The following NUP133 variants were observed in gnomAD, a reference collection of about 807,000 sequenced individuals.
The protein encoded by NUP133 is nuclear pore complex protein Nup133.
In NUP133, 66 loss-of-function variants were observed where a neutral mutation model predicts 146.2. That is an observed-to-expected ratio of 0.45 (90% CI 0.37 to 0.55). The LOEUF (loss-of-function observed/expected upper bound fraction) is 0.55, where lower values mean the gene tolerates loss of function less well. Among genes scored for constraint, NUP133 ranks in the 20% least tolerant of loss-of-function variants. NUP133 has a pLI of 0.00. For missense variants in NUP133, 1,277 were observed against 1,374.8 expected, an observed-to-expected ratio of 0.93 and a Z score of 1.12; for synonymous variants, 521 against 498.8, an observed-to-expected ratio of 1.04 and a Z score of -0.59.
chr1:229,479,904 C>G (rs1286861708), intron 12 of NUP133, among the ~76,000 whole-genome samples: 1 of 152,136 alleles, frequency 6.6e-6, no homozygotes, highest in Non-Finnish European at 1.5e-5. Flanking sequence ...GGTGGTAACT[C>G]AAAGGACGCA....
Position 229,506,112 on chromosome 1 carries a change from C to T in NUP133, c.229G>A (p.Val77Met), listed in dbSNP as rs1382251679. Residue 77 changes from valine (V) to methionine (M), a missense_variant, in exon 2 of 26, where the codon GTG (valine) becomes ATG (methionine). Coordinates refer to ENST00000261396, the MANE Select transcript of NUP133 (RefSeq NM_018230.3). ...CCAAACGTTTTCACATCATAGTTCA[C>T]AGACTCAGTTATGGAGTGGTGTGGG... ...MFPHHSITES[V>M]NYDVKTFGSS... 1 of 1,613,324 alleles carries T rather than the reference C, an allele frequency of 6.2e-7. No homozygotes were observed. Among genetic ancestry groups the T allele is most frequent in the East Asian group, 2.2e-5 (1 of 44,852 alleles).
chr1:229,479,136 T>C (rs1661147458), intron 12 of NUP133, among the ~76,000 whole-genome samples: 1 of 152,182 alleles, frequency 6.6e-6, no homozygotes, highest in Non-Finnish European at 1.5e-5. Context: ...TCTCTCAGTA[T>C]ACACAGGGGA....
At chr1:229,476,066 G>C (rs907710154) in intron 13 of NUP133, among the ~76,000 whole-genome samples, 12 of 151,080 alleles carry the variant, frequency 7.9e-5, no homozygotes, top group Non-Finnish European at 1.5e-5. Context: ...CCGAGATTGC[G>C]CCACTGCATT....
Position 229,456,933 on chromosome 1 carries a change from T to A in NUP133, c.2980+1228A>T, listed in dbSNP as rs545894571. Among the ~76,000 whole-genome samples, 40 of 151,768 alleles carry A rather than the reference T, an allele frequency of 2.6e-4. No homozygotes were observed. The Middle Eastern group carries it at 0.01, about 39-fold the overall frequency. On this transcript the variant is annotated intron_variant, in intron 21 of 25. Coordinates refer to ENST00000261396, the MANE Select transcript of NUP133 (RefSeq NM_018230.3). ...ACCTCAACCTCCTGGGCTCAAGTGA[T>A]CCTCTCACCTCAGCCTCCCCAGTAG...
chr1:229,456,151 G>A (rs1169076759), intron 21 of NUP133, among the ~76,000 whole-genome samples: 1 of 152,186 alleles, frequency 6.6e-6, no homozygotes, highest in Admixed American at 6.5e-5. Context: ...ACACGTGATG[G>A]TAGTACATTG....
At chr1:229,503,974 T>C (rs1661871831) in intron 2 of NUP133, among the ~76,000 whole-genome samples, 1 of 143,426 alleles carries the variant, frequency 7.0e-6, no homozygotes, top group South Asian at 2.2e-4. Context: ...TACACATATA[T>C]ACCAATATAT....
At position 229,441,519 on chromosome 1, in the gene NUP133, G is replaced by T. The variant is rs1571899428; in HGVS notation, c.*385C>A. 2.0e-6 allele frequency: 1 copy of T among 510,730 alleles called. No homozygotes were observed. Among genetic ancestry groups the T allele is most frequent in the East Asian group, 5.6e-5 (1 of 17,986 alleles). 31.6% of individuals were successfully genotyped at this position (510,730 alleles called of 1,614,324 possible). Reference sequence around the variant, plus strand: ...GATTCTCTTCAGTGCAAAGTATCTGGAGTCACAGCAATTTTAGAGACAAGC... The same window carrying T: ...GATTCTCTTCAGTGCAAAGTATCTGTAGTCACAGCAATTTTAGAGACAAGC... On this transcript the variant is annotated 3_prime_UTR_variant, in exon 26 of 26. Transcript: ENST00000261396.
chr1:229,458,711 A>ATTT (rs11444377), intron 20 of NUP133, among the ~76,000 whole-genome samples: 28 of 133,052 alleles, frequency 2.1e-4, no homozygotes, highest in African/African-American at 3.7e-4. Flanking sequence ...GATGGACTAC[A>ATTT]TTTTTTTTTT....
chr1:229,447,812 C>T (rs890003005), intron 24 of NUP133, among the ~76,000 whole-genome samples: 1 of 152,122 alleles, frequency 6.6e-6, no homozygotes, highest in Non-Finnish European at 1.5e-5. Context: ...CATCTGTATT[C>T]TATGTGATAC....
intron 17 of NUP133, 125 bp from the exon 18 acceptor site, chr1:229,465,000 G>A (rs1265638283): frequency 1.8e-6 from 2 of 1,100,812 alleles, no homozygotes; most frequent in Admixed American, 2.2e-5. Context: ...CAGGGATTCA[G>A]GTGATACCTG....
chr1:229,461,825 T>C lies in NUP133; in HGVS notation c.2686-1056A>G, dbSNP rs1392713835. Among the ~76,000 whole-genome samples, 3 of 150,196 alleles carry C rather than the reference T, an allele frequency of 2.0e-5. No individual in the cohort carries two copies. The East Asian group carries it at 5.8e-4, about 29-fold the overall frequency. ...AAAATAATTTTAAAATCATGATCAG[T>C]GCAAAAAATATTTATTTAGCAATGT... On this transcript the variant is annotated intron_variant, in intron 19 of 25. Transcript: ENST00000261396.
chr1:229,473,304 A>G (rs887927423), intron 14 of NUP133, among the ~76,000 whole-genome samples: 3 of 152,156 alleles, frequency 2.0e-5, no homozygotes, highest in Non-Finnish European at 2.9e-5. Context: ...CCTTTTTCCT[A>G]ATTATCAACA....
At chr1:229,482,300 G>C (rs891238537) in intron 12 of NUP133, among the ~76,000 whole-genome samples, 10 of 152,072 alleles carry the variant, frequency 6.6e-5, no homozygotes, top group African/African-American at 2.4e-4. Flanking sequence ...TGGGATTATG[G>C]AACCATGGGC....
At chr1:229,486,617 T>A (rs1467678432) in intron 10 of NUP133, 89 bp from the exon 11 acceptor site, 24 of 1,251,004 alleles carry the variant, frequency 1.9e-5, no homozygotes, top group Non-Finnish European at 2.6e-5. Context: ...AAAATCATCT[T>A]GATGATATAT....
At chr1:229,504,848 G>A (rs767953764) in intron 2 of NUP133, among the ~76,000 whole-genome samples, 9 of 152,032 alleles carry the variant, frequency 5.9e-5, no homozygotes, top group Non-Finnish European at 1.0e-4. Flanking sequence ...TGCTGTTCTG[G>A]GTAAAGTGAT....
chr1:229,486,501 C>A lies in NUP133; in HGVS notation c.1370G>T (p.Cys457Phe). Residue 457 changes from cysteine (C) to phenylalanine (F), a missense_variant, in exon 11 of 26, where the codon TGT becomes TTT. This residue lies in a region of NUP133 where 952 missense variants were observed against 1,047.0 expected (regional missense o/e 0.91). Transcript: ENST00000261396. ...QGDSVLGAGA[C>F]GGVPIIFSRN... ...AGAAAAAATGATAGGAACACCACCACAGGCACCAGCACCTAAAACACTATC... is the reference window on the plus strand; with the variant it reads ...AGAAAAAATGATAGGAACACCACCAAAGGCACCAGCACCTAAAACACTATC... 2 of 1,609,616 alleles carry A rather than the reference C, an allele frequency of 1.2e-6. No homozygotes were observed. The highest frequency in any genetic ancestry group is 2.2e-5 in the East Asian group (1 of 44,748).
intron 9 of NUP133, 146 bp downstream of exon 9, chr1:229,489,809 G>A (rs1661462740): frequency 1.8e-6 from 1 of 568,978 alleles, no homozygotes; most frequent in Non-Finnish European, 2.7e-6. Flanking sequence ...AGGGGAGACA[G>A]AGGTTGCAGT....
Position 229,477,747 on chromosome 1 carries a change from G to T in NUP133, c.1606C>A (p.His536Asn). The change falls in exon 13 of 26, where the codon CAT becomes AAT. Residue 536 changes from histidine (H) to asparagine (N), a missense_variant. Physicochemically the swap from His to Asn is moderately conservative, Grantham distance 68. Around this residue, in one of 3 missense-constraint regions of NUP133, gnomAD observed 952 missense variants for 1,047.0 expected, o/e 0.91. Coordinates refer to ENST00000261396, the MANE Select transcript of NUP133 (RefSeq NM_018230.3). ...FLQYCRKDLG[H>N]AQMVVDELFS... The stretch of plus-strand genomic sequence containing the variant: ...AGCTCATCAACCACCATTTGAGCAT[G>T]ACCTAAATCTTTTCTGAAATAAAAT... 6.2e-7 allele frequency: 1 copy of T among 1,604,708 alleles called. No individual in the cohort carries two copies. Among genetic ancestry groups the T allele is most frequent in the Non-Finnish European group, 8.5e-7 (1 of 1,175,034 alleles).
intron 10 of NUP133, among the ~76,000 whole-genome samples, chr1:229,486,903 GAAAAA>G (rs572081486): frequency 8.7e-6 from 1 of 115,126 alleles, no homozygotes. Context: ...ATGGGGACTG[GAAAAA>G]AAAAAAAAAA....
Sources: allele counts gnomAD v4.1 joint callset (sites outside exome capture counted in the v4.1 genomes callset), GRCh38; gene constraint gnomAD v4.1.1; regional missense constraint gnomAD v4.1.1; transcripts MANE v1.5; gene names NCBI Gene and HGNC (gene_info 2026-07-23, HGNC 2026-07-21).